The following MGMT variants were observed in gnomAD, a reference collection of about 807,000 sequenced individuals.
MGMT encodes the protein methylated-DNA--protein-cysteine methyltransferase.
In MGMT, 14 loss-of-function variants were observed where a neutral mutation model predicts 15.9. That is an observed-to-expected ratio of 0.88 (90% CI 0.58 to 1.37). The LOEUF is 1.37. MGMT is among the 40% of genes most tolerant of loss of function. MGMT has a pLI of 0.00. For synonymous variants in MGMT, 130 were observed against 118.2 expected, an observed-to-expected ratio of 1.10 and a Z score of -0.65; for missense variants, 282 against 268.1, an observed-to-expected ratio of 1.05 and a Z score of -0.36.
At chr10:129,613,789 T>G (rs1846989561) in intron 2 of MGMT, among the ~76,000 whole-genome samples, 1 of 152,206 alleles carries the variant, frequency 6.6e-6, no homozygotes, top group African/African-American at 2.4e-5. Context: ...CGCAGTGTCA[T>G]GAGACCCCTC....
chr10:129,738,044 G>GAGGC (rs1338258369), intron 3 of MGMT, among the ~76,000 whole-genome samples: 1 of 152,242 alleles, frequency 6.6e-6, no homozygotes, highest in Non-Finnish European at 1.5e-5. Context: ...GGAGCCTACA[G>GAGGC]AGGCAGGCAG....
intron 2 of MGMT, among the ~76,000 whole-genome samples, chr10:129,641,758 G>A (rs76919994): frequency 0.048 from 7,316 of 152,166 alleles, 215 homozygotes; most frequent in Middle Eastern, 0.088. Flanking sequence ...TGTGTCATAC[G>A]TACTCAGAAT....
intron 2 of MGMT, among the ~76,000 whole-genome samples, chr10:129,707,090 A>G (rs1564768650): frequency 6.6e-6 from 1 of 152,072 alleles, no homozygotes; most frequent in Non-Finnish European, 1.5e-5. Context: ...GATGAAGCCA[A>G]CATGGAGAAA....
At chr10:129,667,617 G>A (rs1034437658) in intron 2 of MGMT, among the ~76,000 whole-genome samples, 1 of 152,108 alleles carries the variant, frequency 6.6e-6, no homozygotes, top group Non-Finnish European at 1.5e-5. Context: ...ACACAGGCAC[G>A]CATTTCTGCT....
chr10:129,565,945 C>T (rs1185100412), intron 2 of MGMT, among the ~76,000 whole-genome samples: 1 of 152,108 alleles, frequency 6.6e-6, no homozygotes, highest in East Asian at 1.9e-4. Context: ...CCAGGGAAGA[C>T]ACCGTGGTCG....
intron 3 of MGMT, among the ~76,000 whole-genome samples, chr10:129,729,429 C>G (rs1848471696): frequency 6.6e-6 from 1 of 152,154 alleles, no homozygotes; most frequent in African/African-American, 2.4e-5. Context: ...TGTCCCTGTC[C>G]TGCCGAGCTG....
intron 2 of MGMT, among the ~76,000 whole-genome samples, chr10:129,564,768 A>G (rs1312719506): frequency 2.2e-5 from 3 of 135,888 alleles, no homozygotes; most frequent in Non-Finnish European, 4.7e-5. Flanking sequence ...CCCCTGCTGT[A>G]TTCCTTCCTC....
intron 2 of MGMT, among the ~76,000 whole-genome samples, chr10:129,557,038 C>G (rs543964613): frequency 6.6e-6 from 1 of 152,342 alleles, no homozygotes; most frequent in East Asian, 1.9e-4. Context: ...AGACTCGCTT[C>G]GCCCTCTTAC....
chr10:129,635,635 A>G (rs551820923), intron 2 of MGMT, among the ~76,000 whole-genome samples: 29 of 152,370 alleles, frequency 1.9e-4, no homozygotes, highest in Non-Finnish European at 3.4e-4. Flanking sequence ...TACATAATTT[A>G]AAGCTGTGCT....
rs148208969 is a variant in MGMT, at chr10:129,639,482, A to G, written c.126-68413A>G. Among the ~76,000 whole-genome samples, 95 of 152,344 alleles carry G rather than the reference A, an allele frequency of 6.2e-4. 1 individual carries two copies. In the East Asian group the frequency reaches 0.016, roughly 26 times the overall value. On this transcript the variant is annotated intron_variant, in intron 2 of 4. Coordinates refer to ENST00000651593, the MANE Select transcript of MGMT (RefSeq NM_002412.5). ...CCTAAAATCAGTAAGGATATAGACA[A>G]TTTGAACAGCATTATCTACTAACTT...
At chr10:129,580,996 G>A (rs1347132664) in intron 2 of MGMT, among the ~76,000 whole-genome samples, 1 of 152,150 alleles carries the variant, frequency 6.6e-6, no homozygotes, top group Non-Finnish European at 1.5e-5. Flanking sequence ...GCAGGTGCTT[G>A]GGGGATGTCA....
chr10:129,614,536 G>A (rs1283438359), intron 2 of MGMT, among the ~76,000 whole-genome samples: 2 of 152,182 alleles, frequency 1.3e-5, no homozygotes, highest in African/African-American at 2.4e-5. Flanking sequence ...TCAGATCAGC[G>A]GCCTTGGACA....
intron 2 of MGMT, among the ~76,000 whole-genome samples, chr10:129,702,895 A>T (rs1589946187): frequency 6.6e-6 from 1 of 150,942 alleles, no homozygotes; most frequent in South Asian, 2.1e-4. Flanking sequence ...AGCTTGAGGA[A>T]CTCCCCCGTG....
chr10:129,600,518 G>A (rs1381197380), intron 2 of MGMT, among the ~76,000 whole-genome samples: 2 of 152,340 alleles, frequency 1.3e-5, no homozygotes, highest in Admixed American at 6.5e-5. Context: ...CAGACATGCC[G>A]ACTGTGGAGC....
intron 3 of MGMT, among the ~76,000 whole-genome samples, chr10:129,746,404 C>G (rs1235136168): frequency 3.3e-5 from 5 of 151,208 alleles, no homozygotes; most frequent in African/African-American, 1.2e-4. Flanking sequence ...AACCCCAGGT[C>G]ATGAAGATTT....
intron 1 of MGMT, among the ~76,000 whole-genome samples, chr10:129,481,145 G>T (rs1002132668): frequency 1.3e-5 from 2 of 152,222 alleles, no homozygotes; most frequent in African/African-American, 4.8e-5. Flanking sequence ...GTTTTCCCCA[G>T]CATGGCTTCT....
chr10:129,646,719 AATATATATAT>A (rs10543851), intron 2 of MGMT, among the ~76,000 whole-genome samples: 11,581 of 81,714 alleles, frequency 0.14, 1,380 homozygotes, highest in East Asian at 0.27. Context: ...GCCCATCAGA[AATATATATAT>A]ATATATATAT....
chr10:129,730,069 G>A (rs748716361), intron 3 of MGMT, among the ~76,000 whole-genome samples: 50 of 152,278 alleles, frequency 3.3e-4, no homozygotes, highest in Admixed American at 2.6e-4. Flanking sequence ...AAGCCAGCAC[G>A]ACTTCTCCTC....
At chr10:129,612,215 G>A (rs1279976672) in intron 2 of MGMT, among the ~76,000 whole-genome samples, 1 of 152,186 alleles carries the variant, frequency 6.6e-6, no homozygotes, top group Non-Finnish European at 1.5e-5. Context: ...TTAAGATAAA[G>A]GATTGTGGAG....
Sources: allele counts gnomAD v4.1 joint callset (sites outside exome capture counted in the v4.1 genomes callset), GRCh38; gene constraint gnomAD v4.1.1; transcripts MANE v1.5; gene names NCBI Gene and HGNC (gene_info 2026-07-23, HGNC 2026-07-21).